The following PDZD2 variants were observed in gnomAD, a reference collection of about 807,000 sequenced individuals.
The protein encoded by PDZD2 is PDZ domain-containing protein 2.
In PDZD2, 90 loss-of-function variants were observed where a neutral mutation model predicts 220.7. The observed-to-expected ratio is 0.41, with a 90% CI of 0.34 to 0.49. The LOEUF (loss-of-function observed/expected upper bound fraction) is 0.49, where lower values mean the gene tolerates loss of function less well. Among genes scored for constraint, PDZD2 ranks in the 20% least tolerant of loss-of-function variants. The pLI, the probability that PDZD2 is intolerant of heterozygous loss-of-function variation, is 0.28. For synonymous variants in PDZD2, 1,375 were observed against 1,450.5 expected, an observed-to-expected ratio of 0.95 and a Z score of 1.18; for missense variants, 3,174 against 3,608.5, an observed-to-expected ratio of 0.88 and a Z score of 3.08.
intron 6 of PDZD2, among the ~76,000 whole-genome samples, chr5:32,026,878 G>A (rs1184651203): frequency 6.6e-6 from 1 of 152,074 alleles, no homozygotes; most frequent in African/African-American, 2.4e-5. Flanking sequence ...CACATCCCCT[G>A]TTGTTTCCTT....
intron 1 of PDZD2, chr5:31,664,812 T>C (rs1269588663): frequency 6.6e-6 from 1 of 152,178 alleles, no homozygotes; most frequent in Admixed American, 6.5e-5. Context: ...ATTCTCTCCA[T>C]CTTGTGTCCC....
chr5:31,660,637 T>TA (rs1745724821), intron 1 of PDZD2, among the ~76,000 whole-genome samples: 1 of 152,034 alleles, frequency 6.6e-6, no homozygotes, highest in African/African-American at 2.4e-5. Flanking sequence ...AGCATGGGGG[T>TA]AACTGCTGCC....
intron 2 of PDZD2, among the ~76,000 whole-genome samples, chr5:31,958,810 A>G (rs772069938): frequency 6.6e-6 from 1 of 152,084 alleles, no homozygotes; most frequent in Non-Finnish European, 1.5e-5. Flanking sequence ...CATCTTTTGT[A>G]TAGATGGTGA....
At chr5:31,886,794 T>A (rs896393563) in intron 2 of PDZD2, among the ~76,000 whole-genome samples, 1 of 151,066 alleles carries the variant, frequency 6.6e-6, no homozygotes. Flanking sequence ...GCCTCCCGGG[T>A]TCACGCCATT....
At chr5:31,660,745 A>G (rs1745728583) in intron 1 of PDZD2, among the ~76,000 whole-genome samples, 1 of 152,130 alleles carries the variant, frequency 6.6e-6, no homozygotes, top group African/African-American at 2.4e-5. Flanking sequence ...AAGCTAAACC[A>G]TATCAGAGTC....
chr5:31,873,737 G>GTGT (rs1739046124), intron 2 of PDZD2, among the ~76,000 whole-genome samples: 1 of 99,498 alleles, frequency 1.0e-5, no homozygotes, highest in Non-Finnish European at 2.1e-5. Flanking sequence ...GCAGTCTTGA[G>GTGT]TCTTTTTTTT....
At chr5:31,837,374 G>A (rs1757009383) in intron 2 of PDZD2, among the ~76,000 whole-genome samples, 1 of 152,134 alleles carries the variant, frequency 6.6e-6, no homozygotes, top group Admixed American at 6.6e-5. Context: ...TCTTGCCAGG[G>A]AACAGCAAAC....
chr5:31,914,254 G>T (rs1171055898), intron 2 of PDZD2, among the ~76,000 whole-genome samples: 1 of 152,192 alleles, frequency 6.6e-6, no homozygotes, highest in African/African-American at 2.4e-5. Flanking sequence ...GATCCTGGCC[G>T]GGCGCGGTGG....
intron 1 of PDZD2, among the ~76,000 whole-genome samples, chr5:31,737,635 G>C (rs1015949592): frequency 2.6e-5 from 4 of 152,142 alleles, no homozygotes; most frequent in Non-Finnish European, 5.9e-5. Flanking sequence ...TCCTCCTCCT[G>C]TATGTGGCTT....
intron 1 of PDZD2, among the ~76,000 whole-genome samples, chr5:31,741,271 G>C (rs764562055): frequency 6.6e-6 from 1 of 152,018 alleles, no homozygotes; most frequent in Admixed American, 6.6e-5. Flanking sequence ...TTTCTGGTTG[G>C]TGAGATTGTG....
At chr5:32,036,831 C>T (rs184162513) in intron 6 of PDZD2, among the ~76,000 whole-genome samples, 55 of 152,360 alleles carry the variant, frequency 3.6e-4, no homozygotes, top group Admixed American at 3.3e-3. Context: ...AAGCACTGGC[C>T]TACAGGTCAA....
intron 2 of PDZD2, among the ~76,000 whole-genome samples, chr5:31,885,591 A>T (rs1740383543): frequency 6.6e-6 from 1 of 152,222 alleles, no homozygotes; most frequent in South Asian, 2.1e-4. Flanking sequence ...CAAAGAAGGA[A>T]GTGCATTTTT....
chr5:32,085,965 T>A (rs769154339), intron 19 of PDZD2, among the ~76,000 whole-genome samples: 1 of 152,106 alleles, frequency 6.6e-6, no homozygotes, highest in Non-Finnish European at 1.5e-5. Context: ...ACTCTTCCAT[T>A]GTCTTCCTTA....
intron 2 of PDZD2, among the ~76,000 whole-genome samples, chr5:31,898,853 G>A (rs749762656): frequency 1.4e-5 from 2 of 141,694 alleles, no homozygotes; most frequent in Non-Finnish European, 3.0e-5. Flanking sequence ...TGTTTGAGAC[G>A]GAGTCTCGCT....
chr5:31,856,094 C>CA (rs1435887011), intron 2 of PDZD2, among the ~76,000 whole-genome samples: 1 of 152,134 alleles, frequency 6.6e-6, no homozygotes, highest in African/African-American at 2.4e-5. Context: ...TAAATACATA[C>CA]AAAATAATAT....
chr5:32,099,492 T>C (rs1744051269), intron 23 of PDZD2: 1 of 152,312 alleles, frequency 6.6e-6, no homozygotes, highest in African/African-American at 2.4e-5. Flanking sequence ...GAAACACTTC[T>C]TGTCCAGATG....
At chr5:32,013,860 C>G (rs1424094006) in intron 6 of PDZD2, among the ~76,000 whole-genome samples, 1 of 152,138 alleles carries the variant, frequency 6.6e-6, no homozygotes, top group African/African-American at 2.4e-5. Context: ...TGGCCATCAC[C>G]AAAGCCTCAA....
Position 32,089,198 on chromosome 5 carries a change from T to C in PDZD2, c.5750T>C (p.Leu1917Ser). The change falls in exon 20 of 25, where the codon TTG becomes TCG. Residue 1917 changes from leucine to serine, a missense_variant. This residue lies in a region of PDZD2 where 1,861 missense variants were observed against 2,001.0 expected (regional missense o/e 0.93). Transcript: ENST00000438447. The part of the protein sequence containing the change: ...KAGGTDHRKP[L>S]ISPQTSHKTL... Reference sequence around the variant, plus strand: ...GGGGGGACGGACCACAGGAAACCCTTGATCTCACCCCAGACCTCCCACAAA... The same window carrying C: ...GGGGGGACGGACCACAGGAAACCCTCGATCTCACCCCAGACCTCCCACAAA... 6.2e-7 allele frequency: 1 copy of C among 1,614,136 alleles called. No individual in the cohort carries two copies. Among genetic ancestry groups the C allele is most frequent in the East Asian group, 2.2e-5 (1 of 44,874 alleles).
intron 20 of PDZD2, among the ~76,000 whole-genome samples, chr5:32,091,495 G>A (rs1463171378): frequency 6.6e-6 from 1 of 151,898 alleles, no homozygotes. Flanking sequence ...ATGTTGGTCA[G>A]GCTGGTCTCA....
Sources: allele counts gnomAD v4.1 joint callset (sites outside exome capture counted in the v4.1 genomes callset), GRCh38; gene constraint gnomAD v4.1.1; regional missense constraint gnomAD v4.1.1; transcripts MANE v1.5; gene names NCBI Gene and HGNC (gene_info 2026-07-23, HGNC 2026-07-21).